The following ZNF652 variants were observed in gnomAD, a reference collection of about 807,000 sequenced individuals.
ZNF652 encodes the protein zinc finger protein 652.
A neutral mutation model predicts 45.2 loss-of-function variants in ZNF652; 16 were observed. The ratio of observed to expected loss-of-function variants is 0.35; its 90% CI spans 0.24 to 0.54. The LOEUF (loss-of-function observed/expected upper bound fraction) is 0.54. Among genes scored for constraint, ZNF652 ranks in the 20% least tolerant of loss-of-function variants. The probability of loss-of-function intolerance (pLI) is 0.91; values close to 1 mark genes in which losing one functional copy is unlikely to be tolerated. For missense variants in ZNF652, 614 were observed against 765.6 expected (o/e 0.80, Z 2.34); for synonymous variants, 250 against 260.6 (o/e 0.96, Z 0.39).
At chr17:49,344,839 T>C (rs1355541941) in intron 1 of ZNF652, among the ~76,000 whole-genome samples, 2 of 152,052 alleles carry the variant, frequency 1.3e-5, no homozygotes, top group African/African-American at 2.4e-5. Flanking sequence ...AAATTTTCTA[T>C]CACTACTTTT....
chr17:49,332,046 G>A (rs760250512), intron 1 of ZNF652, among the ~76,000 whole-genome samples: 7 of 152,050 alleles, frequency 4.6e-5, no homozygotes, highest in Non-Finnish European at 1.0e-4. Flanking sequence ...CATTTTGGGA[G>A]GCCAACACCT....
At chr17:49,356,709 G>C (rs1179451589) in intron 1 of ZNF652, among the ~76,000 whole-genome samples, 1 of 151,978 alleles carries the variant, frequency 6.6e-6, no homozygotes, top group East Asian at 1.9e-4. Flanking sequence ...CCACTGATGG[G>C]CAAGCCTGTA....
intron 1 of ZNF652, among the ~76,000 whole-genome samples, chr17:49,357,935 T>A (rs1422188858): frequency 1.3e-5 from 2 of 152,202 alleles, no homozygotes; most frequent in Non-Finnish European, 2.9e-5. Flanking sequence ...AATTTTTTCA[T>A]CCCAAATCTG....
In ZNF652 at chr17:49,294,018, CTG is replaced by C. The variant is rs1333567984; in HGVS notation, c.*4393_*4394del. 6.6e-6 allele frequency among the ~76,000 whole-genome samples: 1 copy of C among 152,048 alleles called. No individual in the cohort carries two copies. Among genetic ancestry groups the C allele is most frequent in the Non-Finnish European group, 1.5e-5 (1 of 67,998 alleles). ...GACCTATCATTCTGTGTTTTACTAA[CTG>C]AAACCTGCAAGATGGGGTAAATATA... is the stretch of plus-strand genomic sequence containing the variant. On this transcript the variant is annotated 3_prime_UTR_variant, in exon 6 of 6. Coordinates refer to ENST00000430262, the MANE Select transcript of ZNF652 (RefSeq NM_001145365.3).
chr17:49,304,876 GTGTA>G (rs1567915349), intron 5 of ZNF652, among the ~76,000 whole-genome samples: 9 of 99,740 alleles, frequency 9.0e-5, no homozygotes, highest in African/African-American at 3.4e-4. Flanking sequence ...GTATATATAT[GTGTA>G]TATATATATA....
intron 3 of ZNF652, among the ~76,000 whole-genome samples, chr17:49,312,308 G>A (rs1317490129): frequency 1.3e-5 from 2 of 151,950 alleles, no homozygotes; most frequent in Non-Finnish European, 2.9e-5. Flanking sequence ...TGGGATTACA[G>A]GCATGCGCCA....
intron 2 of ZNF652, among the ~76,000 whole-genome samples, chr17:49,314,257 G>A (rs1376704053): frequency 6.6e-6 from 1 of 151,606 alleles, no homozygotes; most frequent in Non-Finnish European, 1.5e-5. Context: ...CACCGCCTGG[G>A]TTCAAGCAAT....
At chr17:49,353,228 C>T (rs1000656865) in intron 1 of ZNF652, among the ~76,000 whole-genome samples, 1 of 152,182 alleles carries the variant, frequency 6.6e-6, no homozygotes, top group African/African-American at 2.4e-5. Context: ...TGTCACCAGG[C>T]TGGCATGGAG....
In ZNF652 at chr17:49,317,061, C is replaced by A. The variant is rs368025113; in HGVS notation, c.665G>T (p.Arg222Leu). ...GGGCTCCTTTGTGGCCCGCTTCTTACGCTTAGGTGGCTCTACACTCTTCCT... is the reference window on the plus strand; with the variant it reads ...GGGCTCCTTTGTGGCCCGCTTCTTAAGCTTAGGTGGCTCTACACTCTTCCT... ...GRRKSVEPPK[R>L]KKRATKEPKA... is the part of the protein sequence containing the mutation. The change falls in exon 2 of 6, where the codon CGT becomes CTT. Residue 222 changes from arginine (R) to leucine (L), a missense_variant. By Grantham distance (102) the Arg-to-Leu change is moderately radical. Coordinates refer to ENST00000430262, the MANE Select transcript of ZNF652 (RefSeq NM_001145365.3). The A allele has an allele frequency of 1.9e-6, 3 of 1,614,142 alleles. No homozygotes were observed. In the South Asian group the frequency reaches 3.3e-5, roughly 18 times the overall value.
At chr17:49,288,767 T>C (rs562902982), downstream of ZNF652, among the ~76,000 whole-genome samples, 11 of 152,112 alleles carry the variant, frequency 7.2e-5, no homozygotes, top group African/African-American at 2.2e-4. Flanking sequence ...TAGGGAAAGA[T>C]GCCTCATCCC....
chr17:49,345,554 G>T (rs1021291649), intron 1 of ZNF652, among the ~76,000 whole-genome samples: 11 of 150,280 alleles, frequency 7.3e-5, no homozygotes, highest in African/African-American at 2.4e-4. Context: ...AAAAAGAAAT[G>T]AAGTAGGCCG....
Position 49,294,282 on chromosome 17 carries a change from T to A in ZNF652, c.*4131A>T, listed in dbSNP as rs1355157178. Among the ~76,000 whole-genome samples, 6 of 152,204 alleles carry A rather than the reference T, an allele frequency of 3.9e-5. No homozygotes were observed. The highest frequency in any genetic ancestry group is 1.4e-4 in the African/African-American group (6 of 41,454). ...AGTTCTAACCACTAGAAAAGGATAC[T>A]TCGAACAAATGTGGTTTTAAAAAAA... On this transcript the variant is annotated 3_prime_UTR_variant, in exon 6 of 6. Coordinates refer to ENST00000430262, the MANE Select transcript of ZNF652 (RefSeq NM_001145365.3).
Position 49,331,226 on chromosome 17 carries a change from A to T in ZNF652, c.-258-13243T>A, listed in dbSNP as rs529412854. The stretch of plus-strand genomic sequence containing the variant: ...AAGCTCTGCCTCCCAGGTTCACGCC[A>T]TTCTCCTGCCTCAGCCTCCCAAGTA... On this transcript the variant is annotated intron_variant, in intron 1 of 5. Coordinates refer to ENST00000430262, the MANE Select transcript of ZNF652 (RefSeq NM_001145365.3). Among the ~76,000 whole-genome samples, 48 of 143,434 alleles carry T rather than the reference A, an allele frequency of 3.3e-4. 1 individual carries two copies. The highest frequency in any genetic ancestry group is 3.8e-3 in the Middle Eastern group (1 of 264). 94.1% of individuals were successfully genotyped at this position (143,434 alleles called of 152,430 possible). A position where few individuals can be genotyped will look rare whatever the true frequency, so the allele number is the denominator to read the frequency against.
rs117328129 is a variant in ZNF652, at chr17:49,347,064, G to A, written c.-259+14845C>T. On this transcript the variant is annotated intron_variant, in intron 1 of 5. Coordinates refer to ENST00000430262, the MANE Select transcript of ZNF652 (RefSeq NM_001145365.3). ...ACTGAGTATCAAAGGATTAATAAGAGTCATGGATTGAAACACACCAAATAT... is the reference window on the plus strand; with the variant it reads ...ACTGAGTATCAAAGGATTAATAAGAATCATGGATTGAAACACACCAAATAT... Among the ~76,000 whole-genome samples, 1,239 of 152,318 alleles carry A rather than the reference G, an allele frequency of 8.1e-3. 6 individuals carry two copies. Among genetic ancestry groups the A allele is most frequent in the Non-Finnish European group, 0.012 (837 of 68,034 alleles).
Position 49,312,839 on chromosome 17 carries a change from A to C in ZNF652, c.907T>G (p.Ser303Ala), listed in dbSNP as rs2069735876. 1 of 1,613,802 alleles carries C rather than the reference A, an allele frequency of 6.2e-7. No homozygotes were observed. The stretch of plus-strand genomic sequence containing the variant: ...AGTTTCTTGAACGATTTGTTACAGG[A>C]AACACACTGAGCAGGATAAATAGAA... ...TDCEKNIQCV[S>A]CNKSFKKLWS... Residue 303 changes from serine (S) to alanine (A), a missense_variant, in exon 3 of 6, where the codon TCC becomes GCC. Around this residue, in one of 5 missense-constraint regions of ZNF652, gnomAD observed 262 missense variants for 306.3 expected, o/e 0.86. Transcript: ENST00000430262.
At chr17:49,343,027 G>A (rs1028656619) in intron 1 of ZNF652, among the ~76,000 whole-genome samples, 23 of 151,920 alleles carry the variant, frequency 1.5e-4, no homozygotes, top group African/African-American at 5.6e-4. Flanking sequence ...GATTACAGGT[G>A]CATGCCACCA....
intron 1 of ZNF652, among the ~76,000 whole-genome samples, chr17:49,325,323 A>G (rs2143831285): frequency 6.6e-6 from 1 of 152,264 alleles, no homozygotes; most frequent in East Asian, 1.9e-4. Context: ...AGATGGTGTA[A>G]CAGCTGGTCT....
chr17:49,346,239 A>G (rs2070203619), intron 1 of ZNF652, among the ~76,000 whole-genome samples: 2 of 152,180 alleles, frequency 1.3e-5, no homozygotes, highest in African/African-American at 4.8e-5. Flanking sequence ...GACAAGTTAC[A>G]TGGTTACTTT....
At chr17:49,306,910 A>C (rs2069637155) in intron 5 of ZNF652, among the ~76,000 whole-genome samples, 1 of 151,818 alleles carries the variant, frequency 6.6e-6, no homozygotes, top group South Asian at 2.1e-4. Context: ...GCGCCACCAC[A>C]CTTGGCTAAT....
Sources: allele counts gnomAD v4.1 joint callset (sites outside exome capture counted in the v4.1 genomes callset), GRCh38; gene constraint gnomAD v4.1.1; regional missense constraint gnomAD v4.1.1; transcripts MANE v1.5; gene names NCBI Gene and HGNC (gene_info 2026-07-23, HGNC 2026-07-21).